Variants in MMS22L observed in about 807,000 individuals in gnomAD.
MMS22L encodes protein MMS22-like.
A neutral mutation model predicts 159.1 loss-of-function variants in MMS22L; 74 were observed. The observed-to-expected ratio is 0.47, with a 90% CI of 0.39 to 0.56. The LOEUF is 0.56. Among genes scored for constraint, MMS22L ranks in the 20% least tolerant of loss-of-function variants. The probability of loss-of-function intolerance (pLI) is 0.00; values close to 1 mark genes in which losing one functional copy is unlikely to be tolerated. For missense variants in MMS22L, 1,351 were observed against 1,422.1 expected (o/e 0.95, Z 0.80); for synonymous variants, 517 against 506.9 (o/e 1.02, Z -0.27).
At chr6:97,154,701 C>T (rs1801654068) in intron 22 of MMS22L, among the ~76,000 whole-genome samples, 1 of 152,124 alleles carries the variant, frequency 6.6e-6, no homozygotes. Flanking sequence ...GTTGAAAAGA[C>T]TACTTTTCCC....
intron 10 of MMS22L, among the ~76,000 whole-genome samples, chr6:97,248,128 T>C (rs1812867156): frequency 6.6e-6 from 1 of 152,232 alleles, no homozygotes; most frequent in South Asian, 2.1e-4. Context: ...AAGAATAGGT[T>C]ACAAGACACT....
At chr6:97,258,491 G>C (rs1286560184) in intron 9 of MMS22L, among the ~76,000 whole-genome samples, 1 of 152,034 alleles carries the variant, frequency 6.6e-6, no homozygotes, top group African/African-American at 2.4e-5. Context: ...GAAAAAGGTA[G>C]GAAATGGAGG....
intron 10 of MMS22L, among the ~76,000 whole-genome samples, chr6:97,252,443 G>A (rs980655317): frequency 2.0e-5 from 3 of 151,822 alleles, no homozygotes; most frequent in Admixed American, 6.6e-5. Context: ...TCAGGAGTTC[G>A]AAACCAGCCT....
intron 8 of MMS22L, chr6:97,264,748 C>G (rs917319513): frequency 6.6e-6 from 1 of 151,908 alleles, no homozygotes; most frequent in African/African-American, 2.4e-5. Context: ...TATACAATAA[C>G]AACAAACTAT....
At chr6:97,249,101 T>G (rs1582786650) in intron 10 of MMS22L, among the ~76,000 whole-genome samples, 1 of 152,244 alleles carries the variant, frequency 6.6e-6, no homozygotes, top group Non-Finnish European at 1.5e-5. Context: ...ACTTGGAAAC[T>G]GAAATCAGCC....
At chr6:97,148,419 C>G (rs568047834) in intron 24 of MMS22L, among the ~76,000 whole-genome samples, 1 of 152,158 alleles carries the variant, frequency 6.6e-6, no homozygotes, top group South Asian at 2.1e-4. Flanking sequence ...TTCCTTATTG[C>G]AGGAGACGAC....
intron 7 of MMS22L, among the ~76,000 whole-genome samples, chr6:97,268,610 T>C (rs1367999924): frequency 6.6e-6 from 1 of 152,130 alleles, no homozygotes; most frequent in African/African-American, 2.4e-5. Flanking sequence ...CATAAAATCT[T>C]CATCCACATT....
intron 11 of MMS22L, among the ~76,000 whole-genome samples, chr6:97,239,582 G>A (rs1393462782): frequency 6.6e-6 from 1 of 152,200 alleles, no homozygotes; most frequent in Non-Finnish European, 1.5e-5. Flanking sequence ...TCTCTAGCTA[G>A]AAAAAAGAAT....
intron 14 of MMS22L, among the ~76,000 whole-genome samples, chr6:97,226,986 G>C (rs564578630): frequency 3.2e-4 from 49 of 152,268 alleles, no homozygotes; most frequent in Non-Finnish European, 6.6e-4. Context: ...TACTGAACTA[G>C]AGAATGAAGA....
chr6:97,153,364 CTTTTTTTTTT>C (rs59258093), intron 22 of MMS22L, among the ~76,000 whole-genome samples: 178 of 78,104 alleles, frequency 2.3e-3, no homozygotes, highest in African/African-American at 9.5e-3. Context: ...CTCTACAGAT[CTTTTTTTTTT>C]TTTTTTTTTT....
intron 24 of MMS22L, among the ~76,000 whole-genome samples, chr6:97,149,016 T>C (rs781245508): frequency 1.8e-4 from 28 of 152,210 alleles, no homozygotes; most frequent in Non-Finnish European, 3.5e-4. Context: ...CAACTGTCTA[T>C]AGTATTCACT....
chr6:97,231,374 C>T (rs371302535), intron 13 of MMS22L, 52 bp downstream of exon 13: 13 of 1,291,878 alleles, frequency 1.0e-5, no homozygotes, highest in Non-Finnish European at 1.3e-5. Context: ...CAAATAGTAA[C>T]ACCTATCCAA....
At chr6:97,201,992 T>C (rs1194140226) in intron 14 of MMS22L, among the ~76,000 whole-genome samples, 2 of 152,178 alleles carry the variant, frequency 1.3e-5, no homozygotes, top group Non-Finnish European at 2.9e-5. Context: ...GTTTCCACAG[T>C]AACATTTTTG....
chr6:97,175,337 T>C (rs967014928), intron 18 of MMS22L, among the ~76,000 whole-genome samples: 1 of 152,158 alleles, frequency 6.6e-6, no homozygotes, highest in African/African-American at 2.4e-5. Flanking sequence ...ATGAAGAAAA[T>C]ACAGCTTCAA....
Position 97,218,118 on chromosome 6 carries a change from A to G in MMS22L, c.2039+10776T>C, listed in dbSNP as rs952008881. On this transcript the variant is annotated intron_variant, in intron 14 of 24. Coordinates refer to ENST00000683635, the MANE Select transcript of MMS22L (RefSeq NM_001350599.2). Reference sequence around the variant, plus strand: ...ACTAGTGAATTAGAAAGATAAAATAATAATAGTCATCCAGAAAATACTAAG... The same window carrying G: ...ACTAGTGAATTAGAAAGATAAAATAGTAATAGTCATCCAGAAAATACTAAG... Among the ~76,000 whole-genome samples the G allele has an allele frequency of 3.3e-5, 5 of 152,340 alleles. 1 individual carries two copies. Among genetic ancestry groups the G allele is most frequent in the Admixed American group, 2.6e-4 (4 of 15,304 alleles).
intron 3 of MMS22L, among the ~76,000 whole-genome samples, chr6:97,280,397 A>G (rs1305140262): frequency 2.0e-5 from 3 of 152,028 alleles, no homozygotes; most frequent in African/African-American, 7.2e-5. Flanking sequence ...ACAGTGGGCA[A>G]TCTCAAATCA....
chr6:97,189,889 T>A (rs1442611065), intron 14 of MMS22L, among the ~76,000 whole-genome samples: 1 of 152,184 alleles, frequency 6.6e-6, no homozygotes, highest in East Asian at 1.9e-4. Flanking sequence ...TAAGACCTTA[T>A]AATAATAATT....
intron 8 of MMS22L, chr6:97,263,677 A>G (rs1354015093): frequency 2.9e-6 from 1 of 345,990 alleles, no homozygotes; most frequent in Non-Finnish European, 5.1e-6. Flanking sequence ...AAAAATTTTA[A>G]TCATCTAGTG....
At chr6:97,205,220 G>A (rs1024244466) in intron 14 of MMS22L, among the ~76,000 whole-genome samples, 1 of 151,826 alleles carries the variant, frequency 6.6e-6, no homozygotes, top group African/African-American at 2.4e-5. Context: ...TGGGATTACA[G>A]GCATGAGCCA....
Sources: allele counts gnomAD v4.1 joint callset (sites outside exome capture counted in the v4.1 genomes callset), GRCh38; gene constraint gnomAD v4.1.1; transcripts MANE v1.5; gene names NCBI Gene and HGNC (gene_info 2026-07-23, HGNC 2026-07-21).